Variants in STK40 observed in about 807,000 individuals in gnomAD.
STK40 encodes serine/threonine kinase 40, also known as serine/threonine-protein kinase 40.
STK40 carries 13 observed loss-of-function variants against 47.9 expected under a neutral mutation model. The observed-to-expected ratio is 0.27, with a 90% confidence interval of 0.18 to 0.43. The LOEUF (loss-of-function observed/expected upper bound fraction) is 0.43. Ranked by LOEUF, STK40 falls within the 20% of genes least tolerant of loss-of-function variation. The pLI, the probability that STK40 is intolerant of heterozygous loss-of-function variation, is 1.00. For synonymous variants in STK40, 225 were observed against 243.2 expected (o/e 0.93, Z 0.69); for missense variants, 460 against 595.1 (o/e 0.77, Z 2.36).
At chr1:36,376,377 G>A (rs936647193) in intron 1 of STK40, among the ~76,000 whole-genome samples, 2 of 152,192 alleles carry the variant, frequency 1.3e-5, no homozygotes, top group African/African-American at 4.8e-5. Context: ...GCAGAAAAAA[G>A]GTGTGAAACC....
intron 1 of STK40, among the ~76,000 whole-genome samples, chr1:36,378,065 T>C (rs770499226): frequency 6.6e-6 from 1 of 152,258 alleles, no homozygotes; most frequent in Non-Finnish European, 1.5e-5. Context: ...GATCTGAGCC[T>C]AGGCCCTTAA....
At chr1:36,344,097 A>AGGGC in intron 8 of STK40, 23 bp downstream of exon 8, 1 of 749,894 alleles carries the variant, frequency 1.3e-6, no homozygotes, top group Non-Finnish European at 1.9e-6. Context: ...TGCCCCCCCC[A>AGGGC]CCCCCCGGGA....
At chr1:36,345,987 A>AGTTTTT (rs1646696857) in intron 7 of STK40, among the ~76,000 whole-genome samples, 1 of 17,270 alleles carries the variant, frequency 5.8e-5, no homozygotes, top group Non-Finnish European at 1.1e-4. Flanking sequence ...ATATATATAT[A>AGTTTTT]TATATTTTTT....
At chr1:36,357,751 G>C (rs1191956216) in intron 4 of STK40, among the ~76,000 whole-genome samples, 1 of 152,120 alleles carries the variant, frequency 6.6e-6, no homozygotes, top group Non-Finnish European at 1.5e-5. Context: ...CGAGTAGCTG[G>C]GACTACAGGT....
At chr1:36,364,820 T>C (rs781436772) in intron 1 of STK40, among the ~76,000 whole-genome samples, 27 of 152,090 alleles carry the variant, frequency 1.8e-4, no homozygotes, top group Non-Finnish European at 2.8e-4. Flanking sequence ...TTTACATTTT[T>C]TAAATTAAAA....
intron 6 of STK40, among the ~76,000 whole-genome samples, chr1:36,350,051 T>C (rs536907933): frequency 2.0e-5 from 3 of 152,130 alleles, no homozygotes; most frequent in Non-Finnish European, 2.9e-5. Context: ...GAGCCCTCGG[T>C]GATCTCGGGG....
At chr1:36,385,082 C>A (rs546417873) in intron 1 of STK40, among the ~76,000 whole-genome samples, 27 of 152,356 alleles carry the variant, frequency 1.8e-4, no homozygotes, top group African/African-American at 6.5e-4. Context: ...ATCCGAATGT[C>A]CCTACCTAAC....
At chr1:36,344,088 G>GCCCCCCCC in intron 8 of STK40, 32 bp downstream of exon 8, 2 of 1,575,852 alleles carry the variant, frequency 1.3e-6, no homozygotes, top group South Asian at 2.3e-5. Context: ...CAGGCTGGCT[G>GCCCCCCCC]CCCCCCCCAC....
chr1:36,358,935 G>C, intron 2 of STK40, 113 bp from the exon 3 acceptor site: 1 of 1,193,988 alleles, frequency 8.4e-7, no homozygotes, highest in Non-Finnish European at 1.2e-6. Context: ...CATAGCTCAT[G>C]TGTACTGGAC....
chr1:36,357,539 T>C (rs1646815203), intron 4 of STK40, among the ~76,000 whole-genome samples: 1 of 152,188 alleles, frequency 6.6e-6, no homozygotes, highest in Non-Finnish European at 1.5e-5. Context: ...CTAAGGGATC[T>C]GACCACCTGT....
At chr1:36,376,799 GA>G (rs1274608228) in intron 1 of STK40, among the ~76,000 whole-genome samples, 64 of 151,270 alleles carry the variant, frequency 4.2e-4, no homozygotes, top group Admixed American at 3.5e-3. Flanking sequence ...ACTTCTAGAA[GA>G]AATTTTTTTT....
At chr1:36,357,588 T>G (rs1646815490) in intron 4 of STK40, among the ~76,000 whole-genome samples, 5 of 151,930 alleles carry the variant, frequency 3.3e-5, no homozygotes, top group Admixed American at 2.0e-4. Flanking sequence ...GTCCAGTAAA[T>G]GTCTCAAAAA....
chr1:36,344,349 C>T lies in STK40; in HGVS notation c.740-85G>A, dbSNP rs1219182299. ...CTGGAATCCCACCTGGGACCCTCCA[C>T]CTGCCACCCTCACTTCCAGTCCCCC... On this transcript the variant is annotated intron_variant, in intron 7 of 10. Coordinates refer to ENST00000373132, the MANE Select transcript of STK40 (RefSeq NM_001282547.2). The T allele has an allele frequency of 1.1e-5, 16 of 1,482,296 alleles. No individual in the cohort carries two copies. In the East Asian group the frequency reaches 3.1e-4, roughly 28 times the overall value. 91.8% of individuals were successfully genotyped at this position (1,482,296 alleles called of 1,614,324 possible). A position where few individuals can be genotyped will look rare whatever the true frequency, so the allele number is the denominator to read the frequency against.
At position 36,341,750 on chromosome 1, in the gene STK40, G is replaced by A; in HGVS notation, c.*5C>T. ...CAGCAGTGCTGGTGGCCCCGGCTGA[G>A]GCTGTTATTTCCGCAGGTAGCGCTG... On this transcript the variant is annotated 3_prime_UTR_variant, in exon 11 of 11. Coordinates refer to ENST00000373132, the MANE Select transcript of STK40 (RefSeq NM_001282547.2). The A allele has an allele frequency of 2.5e-6, 4 of 1,610,088 alleles. No homozygotes were observed. The South Asian group carries it at 3.3e-5, about 13-fold the overall frequency.
intron 1 of STK40, among the ~76,000 whole-genome samples, chr1:36,379,696 T>C (rs1348521692): frequency 6.6e-6 from 1 of 152,052 alleles, no homozygotes; most frequent in African/African-American, 2.4e-5. Context: ...GTAGCCTCTT[T>C]AGGGAGTGGG....
chr1:36,342,982 A>C, intron 10 of STK40: 3 of 581,400 alleles, frequency 5.2e-6, no homozygotes, highest in Non-Finnish European at 9.2e-6. Flanking sequence ...ATGGGGAGGA[A>C]AGAAATAGGG....
chr1:36,355,774 A>C (rs1646798324), intron 4 of STK40, among the ~76,000 whole-genome samples: 2 of 152,198 alleles, frequency 1.3e-5, no homozygotes, highest in Admixed American at 1.3e-4. Flanking sequence ...AAGCAGCAAA[A>C]ATGGGAATCC....
chr1:36,348,974 G>A (rs575820149), intron 6 of STK40, among the ~76,000 whole-genome samples, 159 bp from the exon 7 acceptor site: 1 of 152,320 alleles, frequency 6.6e-6, no homozygotes, highest in African/African-American at 2.4e-5. Context: ...CCCCTCTCCA[G>A]GGAGCAGAGC....
rs778247238 is a variant in STK40 at position 36,355,317 on chromosome 1, G to T, written c.459C>A (p.Thr153=). The stretch of plus-strand genomic sequence containing the variant: ...AGTGCTGCAGGTTGATGAGGTCAGC[G>T]GTCTTATCGCTGAAGTCATGAGCAC... The part of the protein sequence containing the change: ...CLCAHDFSDK[T]ADLINLQHYV... The change falls in exon 5 of 11, where the codon ACC becomes ACA. Residue 153 remains threonine, a synonymous_variant. Coordinates refer to ENST00000373132, the MANE Select transcript of STK40 (RefSeq NM_001282547.2). 5 of 1,614,140 alleles carry T rather than the reference G, an allele frequency of 3.1e-6. 1 individual carries two copies. Among genetic ancestry groups the T allele is most frequent in the South Asian group, 1.1e-5 (1 of 91,084 alleles).
Sources: allele counts gnomAD v4.1 joint callset (sites outside exome capture counted in the v4.1 genomes callset), GRCh38; gene constraint gnomAD v4.1.1; transcripts MANE v1.5; gene names NCBI Gene and HGNC (gene_info 2026-07-23, HGNC 2026-07-21).